Variants in DLGAP3 observed in about 807,000 individuals in gnomAD.
DLGAP3 encodes the protein DLG associated protein 3.
In DLGAP3, 17 loss-of-function variants were observed where a neutral mutation model predicts 81.2. That is an observed-to-expected ratio of 0.21 (90% CI 0.14 to 0.31). The LOEUF is 0.31. Ranked by LOEUF, DLGAP3 falls within the 10% of genes least tolerant of loss-of-function variation. The pLI is 1.00. For missense variants in DLGAP3, 1,124 were observed against 1,388.0 expected, an observed-to-expected ratio of 0.81 and a Z score of 3.02; for synonymous variants, 577 against 587.4, an observed-to-expected ratio of 0.98 and a Z score of 0.26.
chr1:34,893,637 G>T (rs1639345963), intron 5 of DLGAP3, among the ~76,000 whole-genome samples: 3 of 152,066 alleles, frequency 2.0e-5, no homozygotes, highest in Admixed American at 2.0e-4. Flanking sequence ...GACAGTAATA[G>T]CAAAAAGGGG....
intron 5 of DLGAP3, among the ~76,000 whole-genome samples, chr1:34,888,926 G>A (rs1639274866): frequency 6.6e-6 from 1 of 152,156 alleles, no homozygotes; most frequent in Non-Finnish European, 1.5e-5. Context: ...TGTCCCTCTT[G>A]GAGCACAGGG....
chr1:34,905,092 G>T lies in DLGAP3; in HGVS notation c.292C>A (p.Pro98Thr), dbSNP rs201890156. 2.7e-4 allele frequency: 433 copies of T among 1,590,604 alleles called. 9 individuals are homozygous for T. In the East Asian group the frequency reaches 8.3e-3, roughly 31 times the overall value. ...ACACAGTCTTCACAGGTGTCGAAGG[G>T]GCCCTGGCCAGGGTACATCCTGGGG... ...TFPRMYPGQG[P>T]FDTCEDCVGH... Residue 98 changes from proline to threonine, a missense_variant, in exon 3 of 12, where the codon CCC becomes ACC. By Grantham distance (38) the Pro-to-Thr change is conservative. Transcript: ENST00000373347.
intron 8 of DLGAP3, among the ~76,000 whole-genome samples, chr1:34,882,376 G>C (rs904631465): frequency 1.3e-5 from 2 of 152,150 alleles, no homozygotes; most frequent in Non-Finnish European, 2.9e-5. Flanking sequence ...TACTTGAGAG[G>C]CTGAAGCAGG....
chr1:34,870,889 C>A (rs1638969146), intron 8 of DLGAP3, among the ~76,000 whole-genome samples: 1 of 152,182 alleles, frequency 6.6e-6, no homozygotes, highest in Non-Finnish European at 1.5e-5. Context: ...GCCTTTGTCA[C>A]TCACCCTCCA....
At chr1:34,890,687 A>T (rs1258062287) in intron 5 of DLGAP3, among the ~76,000 whole-genome samples, 1 of 152,190 alleles carries the variant, frequency 6.6e-6, no homozygotes, top group East Asian at 1.9e-4. Flanking sequence ...GCCTGCCAAC[A>T]GCCATGTGAG....
chr1:34,876,737 C>T (rs1379954956), intron 8 of DLGAP3, among the ~76,000 whole-genome samples: 1 of 152,174 alleles, frequency 6.6e-6, no homozygotes, highest in South Asian at 2.1e-4. Flanking sequence ...TTGGTTCTTT[C>T]GATGCTTATT....
chr1:34,871,620 A>T (rs771529617), intron 8 of DLGAP3, among the ~76,000 whole-genome samples: 5 of 152,146 alleles, frequency 3.3e-5, no homozygotes, highest in Admixed American at 1.3e-4. Context: ...GCTGTTGCAA[A>T]CCACAAAGGT....
intron 4 of DLGAP3, 82 bp from the exon 5 acceptor site, chr1:34,899,823 G>C: frequency 7.5e-7 from 1 of 1,326,814 alleles, no homozygotes; most frequent in Non-Finnish European, 1.1e-6. Flanking sequence ...TGGGGCCCCT[G>C]AGTAAGTCCT....
At chr1:34,925,187 C>T (rs1360476710) in intron 1 of DLGAP3, among the ~76,000 whole-genome samples, 1 of 151,958 alleles carries the variant, frequency 6.6e-6, no homozygotes, top group Admixed American at 6.5e-5. Context: ...CTGACAACCC[C>T]CCCCCCACCT....
rs754603347 is a variant in DLGAP3 at position 34,866,158 on chromosome 1, G to C, written c.2865C>G (p.Ser955=). ...KRLLAAKRAA[S]FRHSSATESA... is the part of the protein sequence containing the mutation. Reference sequence around the variant, plus strand: ...TCTCGGTGGCCGAGCTGTGGCGGAAGGAAGCGGCGCGCTTGGCCGCCAGGA... The same window carrying C: ...TCTCGGTGGCCGAGCTGTGGCGGAACGAAGCGGCGCGCTTGGCCGCCAGGA... Residue 955 remains serine, a synonymous_variant, in exon 12 of 12, where the codon TCC becomes TCG. Transcript: ENST00000373347. 5.0e-6 allele frequency: 8 copies of C among 1,597,942 alleles called. No individual in the cohort carries two copies. The African/African-American group carries it at 1.1e-4, about 21-fold the overall frequency.
chr1:34,906,524 G>A (rs566723648), intron 2 of DLGAP3, among the ~76,000 whole-genome samples: 1 of 152,280 alleles, frequency 6.6e-6, no homozygotes, highest in Admixed American at 6.5e-5. Context: ...GAAATAAGGA[G>A]AATCTGAGAT....
At chr1:34,917,468 C>A (rs766074508) in intron 1 of DLGAP3, among the ~76,000 whole-genome samples, 13 of 151,552 alleles carry the variant, frequency 8.6e-5, no homozygotes, top group Non-Finnish European at 1.8e-4. Context: ...CTGCCTCAGC[C>A]TCCCAGGTAG....
In DLGAP3 at chr1:34,900,835, G is replaced by T. The variant is rs1209148864; in HGVS notation, c.1108-562C>A. On this transcript the variant is annotated intron_variant, in intron 3 of 11. Coordinates refer to ENST00000373347, the MANE Select transcript of DLGAP3 (RefSeq NM_001080418.3). This position sits in a 1 kb window ranked among gnomAD's most constrained non-coding sequence, Gnocchi z 5.6. ...GACGACCAATTAGGAGGCTGATGCT[G>T]TTATCCAGGCAAGAGATGATGAGGC... 6.6e-6 allele frequency among the ~76,000 whole-genome samples: 1 copy of T among 152,186 alleles called. No homozygotes were observed. The highest frequency in any genetic ancestry group is 1.5e-5 in the Non-Finnish European group (1 of 68,020).
chr1:34,867,228 A>C lies in DLGAP3; in HGVS notation c.2578-37T>G. On this transcript the variant is annotated intron_variant, in intron 10 of 11. Transcript: ENST00000373347. The surrounding 1 kb of genome is among the most constrained non-coding windows in gnomAD (Gnocchi z 4.3). Reference sequence around the variant, plus strand: ...GAAGATGGAGGGAAAGTGATTGGTCAAGGAGGTCTGAGCCCCAGCCAGGAC... The same window carrying C: ...GAAGATGGAGGGAAAGTGATTGGTCCAGGAGGTCTGAGCCCCAGCCAGGAC... The C allele has an allele frequency of 8.7e-6, 14 of 1,613,630 alleles. No individual in the cohort carries two copies. The highest frequency in any genetic ancestry group is 1.2e-5 in the Non-Finnish European group (14 of 1,179,788).
At chr1:34,874,725 A>G (rs1639024811) in intron 8 of DLGAP3, among the ~76,000 whole-genome samples, 1 of 151,936 alleles carries the variant, frequency 6.6e-6, no homozygotes, top group African/African-American at 2.4e-5. Context: ...TCTGGGTAGA[A>G]GCTGGATTAT....
chr1:34,914,068 T>G (rs1346342671), intron 1 of DLGAP3, among the ~76,000 whole-genome samples: 1 of 152,178 alleles, frequency 6.6e-6, no homozygotes, highest in Non-Finnish European at 1.5e-5. Context: ...AGGGATGGGC[T>G]GCAGGAGCAG....
At chr1:34,869,212 A>G (rs1638939006) in intron 8 of DLGAP3, 123 bp from the exon 9 acceptor site, 2 of 699,138 alleles carry the variant, frequency 2.9e-6, no homozygotes, top group East Asian at 2.7e-5. Flanking sequence ...ACATTAACCT[A>G]TGCACTTTAA....
intron 1 of DLGAP3, among the ~76,000 whole-genome samples, chr1:34,922,779 C>G (rs1278042787): frequency 6.6e-6 from 1 of 152,130 alleles, no homozygotes; most frequent in Non-Finnish European, 1.5e-5. Flanking sequence ...AGATATCCAG[C>G]CCCTCCCCTG....
chr1:34,882,355 G>A (rs1043005515), intron 8 of DLGAP3, among the ~76,000 whole-genome samples: 29 of 152,130 alleles, frequency 1.9e-4, no homozygotes, highest in African/African-American at 3.9e-4. Context: ...GCGGGTGCCT[G>A]TAATCCCAGG....
Sources: gnomAD v4.1 joint callset for allele counts (sites outside exome capture counted in the v4.1 genomes callset) on GRCh38, gnomAD v4.1.1 for gene constraint, Gnocchi (gnomAD v3.1) non-coding constraint, MANE v1.5 for transcripts, NCBI Gene and HGNC (gene_info 2026-07-23, HGNC 2026-07-21) for gene names.